SYT14: variants seen among roughly 807,000 people sequenced by gnomAD.
The protein encoded by SYT14 is synaptotagmin-14.
In SYT14, 32 loss-of-function variants were observed where a neutral mutation model predicts 74.2. That is an observed-to-expected ratio of 0.43 (90% CI 0.33 to 0.58). The LOEUF (loss-of-function observed/expected upper bound fraction) is 0.58, where lower values mean the gene tolerates loss of function less well. Ranked by LOEUF, SYT14 falls within the 20% of genes least tolerant of loss-of-function variation. The probability of loss-of-function intolerance (pLI) is 0.05; values close to 1 mark genes in which losing one functional copy is unlikely to be tolerated. For missense variants in SYT14, 791 were observed against 981.8 expected, an observed-to-expected ratio of 0.81 and a Z score of 2.60; for synonymous variants, 298 against 337.7, an observed-to-expected ratio of 0.88 and a Z score of 1.29.
intron 2 of SYT14, among the ~76,000 whole-genome samples, chr1:210,010,963 A>G (rs1026158676): frequency 2.0e-5 from 3 of 152,190 alleles, no homozygotes; most frequent in African/African-American, 7.2e-5. Context: ...GGTGTATAGT[A>G]TCTGCTGTAT....
At chr1:210,016,126 C>G in exon 4 of SYT14, 1 of 1,232,106 alleles carries the variant, frequency 8.1e-7, no homozygotes, top group Non-Finnish European at 1.0e-6. Context: ...CTTTAACTGA[C>G]TCAGTTGCTG....
At chr1:209,989,460 C>T (rs1207979676) in intron 2 of SYT14, among the ~76,000 whole-genome samples, 1 of 152,194 alleles carries the variant, frequency 6.6e-6, no homozygotes, top group African/African-American at 2.4e-5. Flanking sequence ...TTTTATCTTA[C>T]ATTTACCTTA....
chr1:209,941,919 TA>T (rs1428262010), intron 1 of SYT14, among the ~76,000 whole-genome samples: 2 of 152,226 alleles, frequency 1.3e-5, no homozygotes, highest in African/African-American at 4.8e-5. Context: ...CCATATACTT[TA>T]AATCATCTCC....
At chr1:210,079,480 G>A (rs1185224308) in intron 5 of SYT14, among the ~76,000 whole-genome samples, 3 of 152,114 alleles carry the variant, frequency 2.0e-5, no homozygotes, top group African/African-American at 7.2e-5. Context: ...AAACGTAATA[G>A]TGAAGATATT....
At chr1:209,991,961 T>TA (rs2079696912) in intron 2 of SYT14, among the ~76,000 whole-genome samples, 1 of 152,236 alleles carries the variant, frequency 6.6e-6, no homozygotes, top group South Asian at 2.1e-4. Flanking sequence ...TCAAATAATT[T>TA]AAACAGAACT....
At chr1:209,972,972 T>C (rs1446462333) in intron 2 of SYT14, among the ~76,000 whole-genome samples, 1 of 152,182 alleles carries the variant, frequency 6.6e-6, no homozygotes, top group African/African-American at 2.4e-5. Context: ...TATTATTGTG[T>C]GTCTAAGTCT....
At chr1:210,078,992 C>T (rs1472714715) in intron 5 of SYT14, among the ~76,000 whole-genome samples, 3 of 151,882 alleles carry the variant, frequency 2.0e-5, no homozygotes, top group Non-Finnish European at 4.4e-5. Context: ...TGAGCTCAAG[C>T]GATCAGCCCG....
chr1:209,949,038 G>A (rs2078867883), intron 1 of SYT14, among the ~76,000 whole-genome samples: 1 of 152,130 alleles, frequency 6.6e-6, no homozygotes, highest in Non-Finnish European at 1.5e-5. Context: ...GTCAAGGTAT[G>A]TCTGCAGTGT....
chr1:209,958,950 C>T (rs965015572), intron 2 of SYT14, among the ~76,000 whole-genome samples: 1 of 151,930 alleles, frequency 6.6e-6, no homozygotes, highest in African/African-American at 2.4e-5. Context: ...ATTGGAACTC[C>T]CATCTATTGC....
chr1:209,938,429 G>C, intron 1 of SYT14, 152 bp downstream of exon 1: 1 of 656,518 alleles, frequency 1.5e-6, no homozygotes. Flanking sequence ...CGCGTCTCGG[G>C]AGGCGGGTGG....
At chr1:210,091,209 G>T (rs562658882) in intron 5 of SYT14, among the ~76,000 whole-genome samples, 1 of 152,124 alleles carries the variant, frequency 6.6e-6, no homozygotes, top group Non-Finnish European at 1.5e-5. Context: ...GAGCTCAGCT[G>T]TGAAAATACA....
intron 2 of SYT14, among the ~76,000 whole-genome samples, chr1:209,991,859 G>A (rs191832569): frequency 4.6e-5 from 7 of 151,168 alleles, no homozygotes; most frequent in Non-Finnish European, 1.0e-4. Flanking sequence ...TCAAATAACA[G>A]ATATTGACGG....
exon 10 of SYT14, chr1:210,163,002 G>A (rs1363748275): frequency 2.2e-6 from 1 of 453,330 alleles, no homozygotes; most frequent in South Asian, 1.6e-5. Context: ...AGTGTTTTCA[G>A]CAACAGTATG....
chr1:209,971,747 G>A (rs939491672), intron 2 of SYT14, among the ~76,000 whole-genome samples: 4 of 152,136 alleles, frequency 2.6e-5, no homozygotes, highest in Non-Finnish European at 5.9e-5. Flanking sequence ...ACTTGATCAT[G>A]GCAGATTAAC....
intron 8 of SYT14, 30 bp from the exon 8 acceptor site, chr1:210,159,391 C>A (rs1183315624): frequency 6.5e-7 from 1 of 1,549,808 alleles, no homozygotes; most frequent in South Asian, 1.2e-5. Flanking sequence ...GTCATTATTT[C>A]TTTTACTGCT....
intron 7 of SYT14, among the ~76,000 whole-genome samples, chr1:210,130,071 A>G (rs1249695521): frequency 1.3e-5 from 2 of 152,348 alleles, no homozygotes; most frequent in East Asian, 1.9e-4. Flanking sequence ...GGGTCTGACC[A>G]TAGACTTAAC....
chr1:210,009,251 T>G (rs889456105), intron 2 of SYT14, among the ~76,000 whole-genome samples: 4 of 152,210 alleles, frequency 2.6e-5, no homozygotes, highest in Non-Finnish European at 5.9e-5. Flanking sequence ...ACTGGCTGAC[T>G]TCTGGTATCA....
intron 7 of SYT14, among the ~76,000 whole-genome samples, chr1:210,125,155 C>T (rs1191342749): frequency 1.3e-5 from 2 of 151,914 alleles, no homozygotes; most frequent in African/African-American, 2.4e-5. Context: ...TCTATTGAAC[C>T]CATCACCCAA....
chr1:210,053,946 C>G (rs1487430714), intron 5 of SYT14, among the ~76,000 whole-genome samples: 1 of 152,106 alleles, frequency 6.6e-6, no homozygotes, highest in Admixed American at 6.5e-5. Context: ...ATTTGAAAAT[C>G]TCTTTATTCT....
Sources: allele counts gnomAD v4.1 joint callset (sites outside exome capture counted in the v4.1 genomes callset), GRCh38; gene constraint gnomAD v4.1.1; transcripts MANE v1.5; gene names NCBI Gene and HGNC (gene_info 2026-07-23, HGNC 2026-07-21).